The following VPS50 variants were observed in gnomAD, a reference collection of about 807,000 sequenced individuals.
The protein encoded by VPS50 is syndetin.
Under a neutral mutation model 139.7 loss-of-function variants are expected in VPS50, and 70 were observed. The ratio of observed to expected loss-of-function variants is 0.50; its 90% confidence interval spans 0.41 to 0.61. The LOEUF is 0.61. Ranked by LOEUF, VPS50 falls within the 20% of genes least tolerant of loss-of-function variation. The probability of loss-of-function intolerance (pLI) is 0.00; values close to 1 mark genes in which losing one functional copy is unlikely to be tolerated. For missense variants in VPS50, 921 were observed against 1,133.7 expected (o/e 0.81, Z 2.69); for synonymous variants, 365 against 376.7 (o/e 0.97, Z 0.36).
chr7:93,296,632 T>C (rs1796819459), intron 14 of VPS50, 110 bp from the exon 15 acceptor site: 1 of 1,482,914 alleles, frequency 6.7e-7, no homozygotes, highest in Non-Finnish European at 8.9e-7. Flanking sequence ...GTTAACAAAT[T>C]AGGAATATAT....
At chr7:93,353,566 T>A (rs1312754183) in intron 25 of VPS50, 74 bp from the exon 26 acceptor site, 1 of 1,493,686 alleles carries the variant, frequency 6.7e-7, no homozygotes, top group Non-Finnish European at 9.1e-7. Context: ...TCTTTTTTAT[T>A]TAAACAATTT....
intron 4 of VPS50, among the ~76,000 whole-genome samples, chr7:93,254,596 G>A (rs912234121): frequency 6.6e-6 from 1 of 152,116 alleles, no homozygotes; most frequent in African/African-American, 2.4e-5. Context: ...CAGAATTAAT[G>A]TCCCCCTGAG....
chr7:93,308,769 C>T (rs1380368793), intron 18 of VPS50, 55 bp from the exon 19 acceptor site: 6 of 853,482 alleles, frequency 7.0e-6, no homozygotes, highest in South Asian at 6.1e-5. Flanking sequence ...TGTTGAGACA[C>T]CCCACGAAAA....
intron 23 of VPS50, among the ~76,000 whole-genome samples, chr7:93,342,616 C>G (rs1033999645): frequency 6.6e-6 from 1 of 152,208 alleles, no homozygotes; most frequent in African/African-American, 2.4e-5. Context: ...TCTCCCAGCA[C>G]GCAGCTGGAG....
At position 93,355,997 on chromosome 7, in the gene VPS50, C is replaced by G. The variant is rs777502907; in HGVS notation, c.2692C>G (p.Pro898Ala). The G allele has an allele frequency of 3.8e-6, 6 of 1,582,690 alleles. No homozygotes were observed. Among genetic ancestry groups the G allele is most frequent in the Non-Finnish European group, 3.5e-6 (4 of 1,155,936 alleles). The change falls in exon 27 of 28, where the codon CCT (proline) becomes GCT (alanine). Residue 898 changes from proline to alanine, a missense_variant. This residue lies in a region of VPS50 where 158 missense variants were observed against 156.3 expected (regional missense o/e 1.01). Transcript: ENST00000305866. ...LEKLTDIRPI[P>A]DKEFVETYIK... The stretch of plus-strand genomic sequence containing the variant: ...AAAACTAACAGATATTAGACCCATT[C>G]CTGATAAAGAATTTGTAGAAACTTA...
chr7:93,292,981 C>T (rs1796693992), intron 13 of VPS50, among the ~76,000 whole-genome samples: 2 of 152,078 alleles, frequency 1.3e-5, no homozygotes, highest in Admixed American at 1.3e-4. Flanking sequence ...GGCCTGGCTT[C>T]AAGTTTTCAC....
intron 16 of VPS50, among the ~76,000 whole-genome samples, chr7:93,299,365 A>T (rs1562875377): frequency 1.3e-5 from 2 of 152,212 alleles, no homozygotes; most frequent in Non-Finnish European, 1.5e-5. Flanking sequence ...GCAAAATCCC[A>T]ATTTAATATC....
intron 21 of VPS50, among the ~76,000 whole-genome samples, chr7:93,329,906 T>C (rs1797885216): frequency 6.6e-6 from 1 of 152,178 alleles, no homozygotes; most frequent in African/African-American, 2.4e-5. Context: ...TAAAGGAAGT[T>C]ATTAAACTGA....
chr7:93,259,526 G>A (rs775314445), intron 8 of VPS50, 24 bp from the exon 9 acceptor site: 15 of 1,229,870 alleles, frequency 1.2e-5, no homozygotes, highest in African/African-American at 3.0e-5. Context: ...CTATTCCAAT[G>A]ACTCCTGTTG....
chr7:93,232,394 C>A lies in VPS50; in HGVS notation c.-74C>A. On this transcript the variant is annotated 5_prime_UTR_variant, in exon 1 of 28. Coordinates refer to ENST00000305866, the MANE Select transcript of VPS50 (RefSeq NM_017667.4). ...ACCACCCACTATGGCTTCCTAGTGT[C>A]AGGGCCAGCTGTGTAGTGGCTCGGT... 2 of 1,308,852 alleles carry A rather than the reference C, an allele frequency of 1.5e-6. No homozygotes were observed. The highest frequency in any genetic ancestry group is 1.2e-5 in the South Asian group (1 of 84,598). The allele number at this position is 1,308,852 out of a possible 1,614,324, so 81.1% of individuals were successfully genotyped here. A position where few individuals can be genotyped will look rare whatever the true frequency, so the allele number is the denominator to read the frequency against.
chr7:93,321,804 T>C (rs1482527696), intron 20 of VPS50, among the ~76,000 whole-genome samples: 1 of 152,254 alleles, frequency 6.6e-6, no homozygotes, highest in Admixed American at 6.5e-5. Flanking sequence ...AGCCTACTTA[T>C]TTGCATTCTA....
intron 26 of VPS50, among the ~76,000 whole-genome samples, chr7:93,354,312 TTGAGACAGTCTTG>T (rs1798638994): frequency 7.9e-6 from 1 of 126,072 alleles, no homozygotes; most frequent in Non-Finnish European, 1.6e-5. Context: ...TTTTTTTTTT[TTGAGACAGTCTTG>T]TTTTGTTGCC....
intron 21 of VPS50, 109 bp from the exon 22 acceptor site, chr7:93,334,008 G>C: frequency 1.4e-6 from 1 of 724,078 alleles, no homozygotes; most frequent in Non-Finnish European, 2.4e-6. Flanking sequence ...GAAACCCTCT[G>C]AAGGCTAAGT....
intron 20 of VPS50, among the ~76,000 whole-genome samples, chr7:93,322,303 A>C (rs548348838): frequency 7.9e-5 from 12 of 152,258 alleles, no homozygotes; most frequent in African/African-American, 2.9e-4. Flanking sequence ...TGATGTCTTT[A>C]ATAGTACCAA....
chr7:93,242,048 T>G (rs1795007831), intron 2 of VPS50, among the ~76,000 whole-genome samples: 1 of 151,844 alleles, frequency 6.6e-6, no homozygotes, highest in African/African-American at 2.4e-5. Flanking sequence ...ATGTATGCTC[T>G]AAACAGAAAA....
chr7:93,248,331 C>T (rs1320902887), intron 2 of VPS50, among the ~76,000 whole-genome samples: 2 of 151,910 alleles, frequency 1.3e-5, no homozygotes, highest in African/African-American at 4.8e-5. Flanking sequence ...TTTGGGCTCA[C>T]ACCTATGTAT....
intron 12 of VPS50, among the ~76,000 whole-genome samples, chr7:93,280,111 C>A (rs1487999498): frequency 6.6e-6 from 1 of 152,070 alleles, no homozygotes; most frequent in African/African-American, 2.4e-5. Flanking sequence ...CAATTTTCTG[C>A]CATTTGTTTC....
intron 11 of VPS50, among the ~76,000 whole-genome samples, chr7:93,274,149 C>T (rs2116888808): frequency 6.6e-6 from 1 of 152,180 alleles, no homozygotes; most frequent in African/African-American, 2.4e-5. Flanking sequence ...CCTACAGTGG[C>T]TTTATGTCTC....
intron 23 of VPS50, among the ~76,000 whole-genome samples, chr7:93,347,555 G>A (rs370108766): frequency 8.0e-6 from 1 of 124,596 alleles, no homozygotes; most frequent in Non-Finnish European, 1.6e-5. Flanking sequence ...TATTCACAAT[G>A]GCAAAGACTT....
Sources: allele counts gnomAD v4.1 joint callset (sites outside exome capture counted in the v4.1 genomes callset), GRCh38; gene constraint gnomAD v4.1.1; regional missense constraint gnomAD v4.1.1; transcripts MANE v1.5; gene names NCBI Gene and HGNC (gene_info 2026-07-23, HGNC 2026-07-21).